TBC1D22A: variants seen among roughly 807,000 people sequenced by gnomAD.
TBC1D22A encodes putative GTPase activator.
In TBC1D22A, 38 loss-of-function variants were observed where a neutral mutation model predicts 60.2. The ratio of observed to expected loss-of-function variants is 0.63; its 90% CI spans 0.49 to 0.83. TBC1D22A has a LOEUF of 0.83. TBC1D22A is among the 40% of genes least tolerant of loss of function. TBC1D22A has a pLI of 0.00. For synonymous variants in TBC1D22A, 302 were observed against 281.7 expected (o/e 1.07, Z -0.72); for missense variants, 628 against 701.0 (o/e 0.90, Z 1.18).
rs1024194181 is a variant in TBC1D22A, at chr22:46,862,691, G to A, written c.638-15962G>A. Among the ~76,000 whole-genome samples the A allele has an allele frequency of 1.5e-4, 23 of 152,216 alleles. No homozygotes were observed. In the East Asian group the frequency reaches 3.1e-3, roughly 21 times the overall value. On this transcript the variant is annotated intron_variant, in intron 4 of 12. Transcript: ENST00000337137. ...TGTAGGGGGTTTCCCATCCAAGGCC[G>A]CAGCCCAGAAGGGTGGTGGATTGCC...
intron 8 of TBC1D22A, among the ~76,000 whole-genome samples, chr22:46,932,613 C>G (rs1164780191): frequency 2.0e-5 from 3 of 151,952 alleles, no homozygotes; most frequent in South Asian, 2.1e-4. Context: ...CATCACGGAG[C>G]CTTGGGTGGG....
At chr22:46,847,918 G>GGGGT (rs878892889) in intron 4 of TBC1D22A, among the ~76,000 whole-genome samples, 2 of 134,138 alleles carry the variant, frequency 1.5e-5, no homozygotes, top group African/African-American at 6.5e-5. Flanking sequence ...TACCCTAGTG[G>GGGGT]GTGTGTGTGT....
At chr22:46,845,363 A>G (rs1157049028) in intron 4 of TBC1D22A, among the ~76,000 whole-genome samples, 3 of 152,236 alleles carry the variant, frequency 2.0e-5, no homozygotes, top group African/African-American at 7.2e-5. Flanking sequence ...GATTAAGGGC[A>G]GTATTTGGTT....
chr22:47,111,477 A>G, intron 11 of TBC1D22A, 31 bp from the exon 12 acceptor site: 1 of 1,602,994 alleles, frequency 6.2e-7, no homozygotes, highest in Non-Finnish European at 8.5e-7. Flanking sequence ...ACGCGTTACA[A>G]TTTCTCTCTT....
intron 11 of TBC1D22A, among the ~76,000 whole-genome samples, chr22:47,053,284 G>A (rs943192362): frequency 3.9e-5 from 6 of 152,232 alleles, no homozygotes; most frequent in African/African-American, 1.2e-4. Context: ...GGGTGGACGT[G>A]TCTTTGTTTC....
intron 4 of TBC1D22A, among the ~76,000 whole-genome samples, chr22:46,800,347 C>T (rs2084843021): frequency 6.6e-6 from 1 of 152,138 alleles, no homozygotes; most frequent in South Asian, 2.1e-4. Flanking sequence ...GTGTCACCCA[C>T]CAAGACAGGA....
chr22:46,941,206 T>C (rs1953810797), intron 8 of TBC1D22A, among the ~76,000 whole-genome samples: 1 of 55,784 alleles, frequency 1.8e-5, no homozygotes, highest in Non-Finnish European at 3.5e-5. Context: ...TGTATATATG[T>C]ATACACACAC....
intron 8 of TBC1D22A, among the ~76,000 whole-genome samples, chr22:46,917,425 G>A (rs2070444831): frequency 6.6e-6 from 1 of 152,154 alleles, no homozygotes; most frequent in Non-Finnish European, 1.5e-5. Context: ...ATAGGCTGCT[G>A]TGAGGGCACC....
chr22:46,842,868 A>G (rs1465814406), intron 4 of TBC1D22A, among the ~76,000 whole-genome samples: 2 of 152,178 alleles, frequency 1.3e-5, no homozygotes, highest in Non-Finnish European at 2.9e-5. Context: ...ACAGCATCAC[A>G]GTTGAATGGA....
intron 8 of TBC1D22A, among the ~76,000 whole-genome samples, chr22:46,934,828 G>T (rs954291668): frequency 2.6e-5 from 4 of 152,204 alleles, no homozygotes; most frequent in Non-Finnish European, 5.9e-5. Context: ...AATATGGTCT[G>T]CCCACCCTTC....
intron 11 of TBC1D22A, among the ~76,000 whole-genome samples, chr22:47,039,462 T>C (rs1175186873): frequency 6.6e-6 from 1 of 152,130 alleles, no homozygotes; most frequent in East Asian, 1.9e-4. Flanking sequence ...AGTTACTCTT[T>C]AACCCCTTAC....
intron 1 of TBC1D22A, among the ~76,000 whole-genome samples, chr22:46,781,930 GTCC>G (rs1177220399): frequency 6.6e-6 from 1 of 152,214 alleles, no homozygotes; most frequent in African/African-American, 2.4e-5. Context: ...TAACCAGTTA[GTCC>G]TCCTCAAGTT....
chr22:47,103,300 G>A (rs1462318298), intron 11 of TBC1D22A, among the ~76,000 whole-genome samples: 3 of 152,340 alleles, frequency 2.0e-5, no homozygotes, highest in Non-Finnish European at 2.9e-5. Flanking sequence ...GGCATGTGCC[G>A]CGGAGACATG....
chr22:47,042,886 G>A (rs994856249), intron 11 of TBC1D22A, among the ~76,000 whole-genome samples: 1 of 152,222 alleles, frequency 6.6e-6, no homozygotes, highest in Admixed American at 6.5e-5. Flanking sequence ...TGCAAGCCTC[G>A]CCATCCCTGG....
chr22:46,887,777 C>T (rs1047496245), intron 5 of TBC1D22A, among the ~76,000 whole-genome samples: 7 of 152,072 alleles, frequency 4.6e-5, no homozygotes, highest in Admixed American at 2.0e-4. Context: ...ATAATGCACA[C>T]GATTTTGGGG....
At chr22:47,145,824 C>T (rs1473588043) in intron 12 of TBC1D22A, among the ~76,000 whole-genome samples, 1 of 152,114 alleles carries the variant, frequency 6.6e-6, no homozygotes, top group Admixed American at 6.5e-5. Context: ...CCTGGGTCGG[C>T]CTCAGCCCAT....
chr22:46,966,721 T>C (rs1451182870), intron 8 of TBC1D22A, among the ~76,000 whole-genome samples: 1 of 152,226 alleles, frequency 6.6e-6, no homozygotes, highest in Non-Finnish European at 1.5e-5. Flanking sequence ...TTTTCCCAAG[T>C]GTTGCCTGCA....
At chr22:47,127,021 C>A (rs572852523) in intron 12 of TBC1D22A, among the ~76,000 whole-genome samples, 2 of 152,298 alleles carry the variant, frequency 1.3e-5, no homozygotes, top group East Asian at 3.9e-4. Flanking sequence ...TATCCACATA[C>A]ACACGTGTGC....
rs559484622 is a variant in TBC1D22A, at chr22:47,136,661, T to A, written c.1425+25058T>A. Among the ~76,000 whole-genome samples the A allele has an allele frequency of 6.6e-5, 10 of 150,928 alleles. No individual in the cohort carries two copies. The East Asian group carries it at 2.0e-3, about 30-fold the overall frequency. On this transcript the variant is annotated intron_variant, in intron 12 of 12. Coordinates refer to ENST00000337137, the MANE Select transcript of TBC1D22A (RefSeq NM_014346.5). The stretch of plus-strand genomic sequence containing the variant: ...TCAGGGGTCCTGGGCTTGAGCCCCC[T>A]CGTCCCTAGGGATTCTGAGTGGCCT...
Sources: gnomAD v4.1 joint callset for allele counts (sites outside exome capture counted in the v4.1 genomes callset) on GRCh38, gnomAD v4.1.1 for gene constraint, MANE v1.5 for transcripts, NCBI Gene and HGNC (gene_info 2026-07-23, HGNC 2026-07-21) for gene names.